CA10: variants seen among roughly 807,000 people sequenced by gnomAD.
The protein encoded by CA10 is carbonic anhydrase 10 (inactive), also known as carbonic anhydrase-related protein 10.
A neutral mutation model predicts 44.2 loss-of-function variants in CA10; 14 were observed. The ratio of observed to expected loss-of-function variants is 0.32; its 90% confidence interval spans 0.21 to 0.50. The LOEUF (loss-of-function observed/expected upper bound fraction) is 0.50. Among genes scored for constraint, CA10 ranks in the 20% least tolerant of loss-of-function variants. CA10 has a pLI of 0.99. For synonymous variants in CA10, 159 were observed against 141.6 expected (o/e 1.12, Z -0.87); for missense variants, 350 against 409.7 (o/e 0.85, Z 1.26).
chr17:51,804,178 C>T (rs566851137), intron 3 of CA10, among the ~76,000 whole-genome samples: 1 of 152,294 alleles, frequency 6.6e-6, no homozygotes, highest in Admixed American at 6.5e-5. Context: ...GCTTTCTAAA[C>T]TTATCTCCTT....
At chr17:51,669,903 C>T (rs1013820357) in intron 4 of CA10, among the ~76,000 whole-genome samples, 3 of 152,202 alleles carry the variant, frequency 2.0e-5, no homozygotes, top group Admixed American at 1.3e-4. Flanking sequence ...ATTTTAGCTC[C>T]CATAATTCCC....
At chr17:51,810,780 C>A (rs1444845072) in intron 3 of CA10, among the ~76,000 whole-genome samples, 1 of 152,184 alleles carries the variant, frequency 6.6e-6, no homozygotes, top group African/African-American at 2.4e-5. Flanking sequence ...TGGCCCCTTA[C>A]CCTCCAGGAG....
chr17:52,090,190 C>T (rs1435556177), intron 1 of CA10, among the ~76,000 whole-genome samples: 1 of 152,134 alleles, frequency 6.6e-6, no homozygotes, highest in African/African-American at 2.4e-5. Flanking sequence ...TGAGAATCTT[C>T]ATAGTTCAAA....
chr17:51,744,691 C>G (rs9896122), intron 4 of CA10, among the ~76,000 whole-genome samples: 40,095 of 152,026 alleles, frequency 0.26, 5,829 homozygotes, highest in African/African-American at 0.38. Context: ...CATTTCATCA[C>G]TGTATCGTTT....
At chr17:51,642,087 T>C (rs1406027327) in intron 6 of CA10, among the ~76,000 whole-genome samples, 8 of 152,224 alleles carry the variant, frequency 5.3e-5, no homozygotes, top group Non-Finnish European at 1.0e-4. Flanking sequence ...TAATATGATA[T>C]TTTGTTTTAC....
chr17:52,012,157 T>C (rs1985818544), intron 2 of CA10, among the ~76,000 whole-genome samples: 1 of 152,056 alleles, frequency 6.6e-6, no homozygotes, highest in Admixed American at 6.6e-5. Context: ...GATTTTGTAA[T>C]GATTATCTTG....
chr17:52,018,917 ATGAG>A (rs1555558518), intron 2 of CA10, among the ~76,000 whole-genome samples: 2 of 152,056 alleles, frequency 1.3e-5, no homozygotes, highest in Non-Finnish European at 2.9e-5. Context: ...CCCCATGATA[ATGAG>A]TGAGTTCTCA....
chr17:52,123,766 C>G (rs1316156257), intron 1 of CA10, among the ~76,000 whole-genome samples: 1 of 152,140 alleles, frequency 6.6e-6, no homozygotes. Flanking sequence ...TGGACAGACT[C>G]AATGCATATT....
intron 1 of CA10, among the ~76,000 whole-genome samples, chr17:52,113,514 GCAAGA>G (rs1219014762): frequency 1.3e-5 from 2 of 152,068 alleles, no homozygotes; most frequent in Admixed American, 1.3e-4. Flanking sequence ...GCTTGAGAAA[GCAAGA>G]CAAGCCCATG....
At chr17:51,714,267 A>C (rs1916029327) in intron 4 of CA10, among the ~76,000 whole-genome samples, 1 of 152,212 alleles carries the variant, frequency 6.6e-6, no homozygotes, top group Non-Finnish European at 1.5e-5. Flanking sequence ...AGATTTTGCA[A>C]TCCAGAAAAA....
intron 2 of CA10, among the ~76,000 whole-genome samples, chr17:51,933,132 G>T (rs146499367): frequency 6.6e-6 from 1 of 152,146 alleles, no homozygotes; most frequent in Non-Finnish European, 1.5e-5. Context: ...CATGGTTCCT[G>T]TGGTAGGCCG....
intron 1 of CA10, among the ~76,000 whole-genome samples, chr17:52,082,917 C>T (rs1988021287): frequency 6.6e-6 from 1 of 152,042 alleles, no homozygotes; most frequent in Non-Finnish European, 1.5e-5. Context: ...TAGATTTATT[C>T]TCTGTAAATA....
intron 4 of CA10, among the ~76,000 whole-genome samples, chr17:51,692,040 A>T (rs1915213317): frequency 1.3e-5 from 2 of 152,182 alleles, no homozygotes; most frequent in Non-Finnish European, 2.9e-5. Flanking sequence ...GAACAATGTC[A>T]TTGGTATTTT....
At chr17:52,111,484 AG>A (rs1190428851) in intron 1 of CA10, among the ~76,000 whole-genome samples, 1 of 152,222 alleles carries the variant, frequency 6.6e-6, no homozygotes, top group Non-Finnish European at 1.5e-5. Flanking sequence ...GAAGATGTGA[AG>A]GATTGTCTTG....
intron 4 of CA10, among the ~76,000 whole-genome samples, chr17:51,692,969 T>G (rs1378367095): frequency 6.6e-6 from 1 of 152,200 alleles, no homozygotes; most frequent in Non-Finnish European, 1.5e-5. Flanking sequence ...TCAACAGGTC[T>G]TAGTCAGTTG....
At chr17:51,882,066 CA>C (rs57495108) in intron 3 of CA10, among the ~76,000 whole-genome samples, 11,251 of 82,056 alleles carry the variant, frequency 0.14, 803 homozygotes, top group African/African-American at 0.31. Flanking sequence ...GCAGTGGCAA[CA>C]AAAAAAAAAA....
chr17:51,909,788 A>G (rs1321647257), intron 3 of CA10, among the ~76,000 whole-genome samples: 2 of 152,160 alleles, frequency 1.3e-5, no homozygotes, highest in African/African-American at 2.4e-5. Flanking sequence ...CAATATTTGC[A>G]TCTCATCGAT....
chr17:51,897,101 C>T (rs1339504198), intron 3 of CA10, among the ~76,000 whole-genome samples: 1 of 151,868 alleles, frequency 6.6e-6, no homozygotes, highest in East Asian at 1.9e-4. Flanking sequence ...AATTTTGTTG[C>T]TGTTGCAATT....
At chr17:51,881,199 C>T (rs554024928) in intron 3 of CA10, among the ~76,000 whole-genome samples, 5 of 140,422 alleles carry the variant, frequency 3.6e-5, no homozygotes, top group South Asian at 2.2e-4. Context: ...GAGATCACGC[C>T]ACTGCACTCC....
Sources: gnomAD v4.1 joint callset for allele counts (sites outside exome capture counted in the v4.1 genomes callset) on GRCh38, gnomAD v4.1.1 for gene constraint, MANE v1.5 for transcripts, NCBI Gene and HGNC (gene_info 2026-07-23, HGNC 2026-07-21) for gene names.